The following GMDS variants were observed in gnomAD, a reference collection of about 807,000 sequenced individuals.
GMDS encodes GDP-mannose 4,6 dehydratase.
In GMDS, 20 loss-of-function variants were observed where a neutral mutation model predicts 49.9. That is an observed-to-expected ratio of 0.40 (90% CI 0.28 to 0.58). The LOEUF (loss-of-function observed/expected upper bound fraction) is 0.58. Ranked by LOEUF, GMDS falls within the 20% of genes least tolerant of loss-of-function variation. The probability of loss-of-function intolerance (pLI) is 0.42; values close to 1 mark genes in which losing one functional copy is unlikely to be tolerated. For synonymous variants in GMDS, 177 were observed against 178.6 expected, an observed-to-expected ratio of 0.99 and a Z score of 0.07; for missense variants, 362 against 481.4, an observed-to-expected ratio of 0.75 and a Z score of 2.32.
chr6:1,661,194 A>G (rs930282274), intron 9 of GMDS, among the ~76,000 whole-genome samples: 10 of 151,970 alleles, frequency 6.6e-5, no homozygotes, highest in Non-Finnish European at 1.5e-5. Flanking sequence ...GGCCTCACTG[A>G]TACCTTTTTC....
At chr6:1,794,350 T>A (rs1769655717) in intron 7 of GMDS, among the ~76,000 whole-genome samples, 1 of 151,800 alleles carries the variant, frequency 6.6e-6, no homozygotes, top group Non-Finnish European at 1.5e-5. Flanking sequence ...TGCAGCACCA[T>A]ATATAAACCA....
chr6:2,105,103 AC>A (rs1201726255), intron 4 of GMDS, among the ~76,000 whole-genome samples: 2 of 149,376 alleles, frequency 1.3e-5, no homozygotes, highest in Admixed American at 1.3e-4. Context: ...AATGGCGTGA[AC>A]CCGGGAGGCG....
At chr6:1,720,957 A>G (rs1361772347) in intron 9 of GMDS, among the ~76,000 whole-genome samples, 1 of 152,134 alleles carries the variant, frequency 6.6e-6, no homozygotes, top group Non-Finnish European at 1.5e-5. Context: ...CAGTTTCAGG[A>G]CAAAAGGCCA....
rs1012804576 is a variant in GMDS, at chr6:1,646,593, G to A, written c.988-22053C>T. On this transcript the variant is annotated intron_variant, in intron 9 of 10. Transcript: ENST00000380815. Reference sequence around the variant, plus strand: ...GAGATGGATTTTTGCCATGTTGCCCGGGCTGGTCTCAAACTCCTGGGCTCA... The same window carrying A: ...GAGATGGATTTTTGCCATGTTGCCCAGGCTGGTCTCAAACTCCTGGGCTCA... 3.3e-5 allele frequency among the ~76,000 whole-genome samples: 5 copies of A among 151,886 alleles called. No individual in the cohort carries two copies. The East Asian group carries it at 7.7e-4, about 24-fold the overall frequency.
At chr6:1,750,941 A>C (rs1206632797) in intron 7 of GMDS, among the ~76,000 whole-genome samples, 1 of 152,178 alleles carries the variant, frequency 6.6e-6, no homozygotes, top group Non-Finnish European at 1.5e-5. Flanking sequence ...CTCACAGTGT[A>C]AACAAAGCCA....
chr6:1,726,115 G>C (rs1231635600), intron 9 of GMDS, among the ~76,000 whole-genome samples: 1 of 152,246 alleles, frequency 6.6e-6, no homozygotes, highest in African/African-American at 2.4e-5. Flanking sequence ...TCAGGGACCA[G>C]CCATTAGAAT....
chr6:1,852,387 T>C (rs1757717917), intron 7 of GMDS, among the ~76,000 whole-genome samples: 1 of 152,220 alleles, frequency 6.6e-6, no homozygotes, highest in South Asian at 2.1e-4. Flanking sequence ...TAAAAGCTTT[T>C]TGCTTAACGA....
intron 9 of GMDS, among the ~76,000 whole-genome samples, chr6:1,710,640 G>A (rs952425286): frequency 1.3e-5 from 2 of 152,196 alleles, no homozygotes; most frequent in East Asian, 1.9e-4. Flanking sequence ...CGAGGATGGG[G>A]TCAGGGAAGC....
intron 7 of GMDS, among the ~76,000 whole-genome samples, chr6:1,809,139 A>T (rs189114998): frequency 7.8e-4 from 119 of 152,328 alleles, no homozygotes; most frequent in African/African-American, 2.8e-3. Flanking sequence ...TGTTTTTTCA[A>T]CATAAATTCA....
At chr6:2,080,104 G>A (rs1259544339) in intron 4 of GMDS, among the ~76,000 whole-genome samples, 1 of 152,060 alleles carries the variant, frequency 6.6e-6, no homozygotes, top group Non-Finnish European at 1.5e-5. Flanking sequence ...GACTATTGTT[G>A]AATCTAACAT....
At chr6:1,632,945 C>T (rs1337568883) in intron 9 of GMDS, among the ~76,000 whole-genome samples, 3 of 152,200 alleles carry the variant, frequency 2.0e-5, no homozygotes, top group East Asian at 1.9e-4. Flanking sequence ...GGAATCACAA[C>T]GTGGCTCAAC....
chr6:2,002,797 C>T (rs1766909069), intron 4 of GMDS, among the ~76,000 whole-genome samples: 1 of 152,120 alleles, frequency 6.6e-6, no homozygotes, highest in Non-Finnish European at 1.5e-5. Context: ...ATCTCTAGTA[C>T]CTTCAAAGTG....
At chr6:1,952,602 C>G (rs184828763) in intron 6 of GMDS, among the ~76,000 whole-genome samples, 28 of 152,114 alleles carry the variant, frequency 1.8e-4, no homozygotes, top group East Asian at 5.8e-4. Context: ...TCTGAACAGA[C>G]AGTTTAGCAA....
intron 7 of GMDS, among the ~76,000 whole-genome samples, chr6:1,846,805 T>TTG: frequency 6.6e-6 from 1 of 152,270 alleles, no homozygotes. Context: ...GAGCAGGTAT[T>TTG]TTACAAACAC....
intron 7 of GMDS, among the ~76,000 whole-genome samples, chr6:1,756,790 A>C (rs1036481572): frequency 3.3e-5 from 5 of 152,200 alleles, no homozygotes; most frequent in African/African-American, 1.2e-4. Flanking sequence ...ATTGTTCATT[A>C]GTCTAGACGA....
At chr6:1,934,269 C>G (rs1468941671) in intron 6 of GMDS, among the ~76,000 whole-genome samples, 1 of 152,180 alleles carries the variant, frequency 6.6e-6, no homozygotes, top group African/African-American at 2.4e-5. Context: ...CCACACAGTC[C>G]TGGTTACTGT....
At chr6:1,858,409 A>C (rs1364498658) in intron 7 of GMDS, among the ~76,000 whole-genome samples, 1 of 152,176 alleles carries the variant, frequency 6.6e-6, no homozygotes, top group Non-Finnish European at 1.5e-5. Context: ...CCAGGGACCA[A>C]ACTTTCTAAC....
intron 7 of GMDS, among the ~76,000 whole-genome samples, chr6:1,785,248 T>A (rs1470603414): frequency 6.6e-6 from 1 of 152,166 alleles, no homozygotes; most frequent in African/African-American, 2.4e-5. Context: ...AATAAAAACG[T>A]GTTTTTATTT....
chr6:1,950,999 C>G lies in GMDS; in HGVS notation c.643+8868G>C, dbSNP rs114073525. 1.8e-3 allele frequency among the ~76,000 whole-genome samples: 274 copies of G among 152,280 alleles called. 1 individual carries two copies. Among genetic ancestry groups the G allele is most frequent in the African/African-American group, 6.4e-3 (264 of 41,550 alleles). On this transcript the variant is annotated intron_variant, in intron 6 of 10. Coordinates refer to ENST00000380815, the MANE Select transcript of GMDS (RefSeq NM_001500.4). ...CAGACACCAATAGTAGCCCCCTCCT[C>G]CGTTGGGACAAGAAAAATATCTCCA...
Sources: allele counts gnomAD v4.1 joint callset (sites outside exome capture counted in the v4.1 genomes callset), GRCh38; gene constraint gnomAD v4.1.1; transcripts MANE v1.5; gene names NCBI Gene and HGNC (gene_info 2026-07-23, HGNC 2026-07-21).